Variants in PODXL observed in about 807,000 individuals in gnomAD.
The protein encoded by PODXL is podocalyxin like, also known as podocalyxin.
PODXL carries 20 observed loss-of-function variants against 48.9 expected under a neutral mutation model. That is an observed-to-expected ratio of 0.41 (90% CI 0.29 to 0.59). The LOEUF (loss-of-function observed/expected upper bound fraction) is 0.59. Among genes scored for constraint, PODXL ranks in the 20% least tolerant of loss-of-function variants. The pLI, the probability that PODXL is intolerant of heterozygous loss-of-function variation, is 0.31. For missense variants in PODXL, 606 were observed against 675.1 expected, an observed-to-expected ratio of 0.90 and a Z score of 1.13; for synonymous variants, 295 against 287.4, an observed-to-expected ratio of 1.03 and a Z score of -0.27.
chr7:131,504,343 C>T lies in PODXL; in HGVS notation c.1645G>A (p.Asp549Asn), dbSNP rs780703328. 5 of 1,614,084 alleles carry T rather than the reference C, an allele frequency of 3.1e-6. No individual in the cohort carries two copies. The Admixed American group carries it at 5.0e-5, about 16-fold the overall frequency. Residue 549 changes from aspartate to asparagine, a missense_variant, in exon 9 of 9, where the codon GAC (aspartate) becomes AAC (asparagine). Asp to Asn is a conservative substitution (Grantham distance 23, BLOSUM62 1). Transcript: ENST00000378555. ...TGTGTGTCTTCCTCCTCATCCAGGTCGTCCTTGGTCAGGTTGTCCAGAGGG... is the reference window on the plus strand; with the variant it reads ...TGTGTGTCTTCCTCCTCATCCAGGTTGTCCTTGGTCAGGTTGTCCAGAGGG... Reference protein sequence around the residue: ...IVPLDNLTKDDLDEEEDTHL With the variant: ...IVPLDNLTKDNLDEEEDTHL
rs1369001602 is a variant in PODXL, at chr7:131,506,709, A to G, written c.1119T>C (p.Asp373=). 5 of 1,614,060 alleles carry G rather than the reference A, an allele frequency of 3.1e-6. No individual in the cohort carries two copies. Among genetic ancestry groups the G allele is most frequent in the Non-Finnish European group, 4.2e-6 (5 of 1,180,024 alleles). ...GGCATATCAGTGAGATCAATTTCTCATCCGAAGCGCCCCCTGCCTATGGTG... is the reference window on the plus strand; with the variant it reads ...GGCATATCAGTGAGATCAATTTCTCGTCCGAAGCGCCCCCTGCCTATGGTG... ...GNTLCAGGAS[D]EKLISLICRA... The change falls in exon 6 of 9, where the codon GAT becomes GAC. Residue 373 remains aspartate, a synonymous_variant. Coordinates refer to ENST00000378555, the MANE Select transcript of PODXL (RefSeq NM_001018111.3).
At chr7:131,538,144 C>A (rs1798411019) in intron 1 of PODXL, among the ~76,000 whole-genome samples, 1 of 152,096 alleles carries the variant, frequency 6.6e-6, no homozygotes, top group South Asian at 2.1e-4. Context: ...AACCAGGAGA[C>A]CAGCTCCTGG....
chr7:131,501,389 A>G lies in PODXL; in HGVS notation c.*2922T>C. The G allele has an allele frequency of 6.6e-6, 1 of 152,646 alleles. No individual in the cohort carries two copies. Among genetic ancestry groups the G allele is most frequent in the East Asian group, 1.9e-4 (1 of 5,190 alleles). The allele number at this position is 152,646 out of a possible 1,614,324, so 9.5% of individuals were successfully genotyped here. A position where few individuals can be genotyped will look rare whatever the true frequency, so the allele number is the denominator to read the frequency against. On this transcript the variant is annotated 3_prime_UTR_variant, in exon 9 of 9. Transcript: ENST00000378555. ...ATGTATCAGTTTGAACTTGTTCTTC[A>G]AAGTTTCTCCAGTATATTGTCAAAA... is the stretch of plus-strand genomic sequence containing the variant.
chr7:131,526,799 G>A (rs982034186), intron 1 of PODXL, among the ~76,000 whole-genome samples: 8 of 132,458 alleles, frequency 6.0e-5, no homozygotes, highest in Admixed American at 2.9e-4. Flanking sequence ...GCAGTGGCGC[G>A]ATCTCGGCTC....
intron 1 of PODXL, among the ~76,000 whole-genome samples, chr7:131,534,917 G>A (rs1039386681): frequency 6.6e-6 from 1 of 152,012 alleles, no homozygotes; most frequent in African/African-American, 2.4e-5. Flanking sequence ...TTAGCTGGGT[G>A]TGCTGTAGCC....
rs368227750 is a variant in PODXL at position 131,509,367 on chromosome 7, A to G, written c.1021T>C (p.Trp341Arg). The change falls in exon 4 of 9, where the codon TGG (tryptophan) becomes CGG (arginine). Residue 341 changes from tryptophan to arginine, a missense_variant and splice_region_variant. Physicochemically the swap from Trp to Arg is moderately radical, Grantham distance 101. Coordinates refer to ENST00000378555, the MANE Select transcript of PODXL (RefSeq NM_001018111.3). ...PSPTVAHESN[W>R]AKCEDLETQT... ...TGCCCCACCCCTGCTGGAGTTACCC[A>G]GTTACTCTCATGAGCCACAGTGGGA... 4 of 1,612,434 alleles carry G rather than the reference A, an allele frequency of 2.5e-6. No individual in the cohort carries two copies. Among genetic ancestry groups the G allele is most frequent in the Non-Finnish European group, 3.4e-6 (4 of 1,178,498 alleles).
intron 5 of PODXL, among the ~76,000 whole-genome samples, chr7:131,507,683 G>T (rs1281119299): frequency 1.1e-5 from 1 of 92,878 alleles, no homozygotes; most frequent in African/African-American, 3.9e-5. Context: ...AAAAAAAAAA[G>T]TGTCTCACAA....
At position 131,556,307 on chromosome 7, in the gene PODXL, GGCGGCGTTGACA is replaced by G; in HGVS notation, c.41_52del (p.Leu14_Pro18delinsSer). ...CGGCGACGGCGACGACGGCAGCAGCGGCGGCGTTGACAACAGTAGCAGCAGCGCCGAGAGCGC... is the reference window on the plus strand; with the variant it reads ...CGGCGACGGCGACGACGGCAGCAGCGACAGTAGCAGCAGCGCCGAGAGCGC... On this transcript the variant is annotated inframe_deletion, in exon 1 of 9. Coordinates refer to ENST00000378555, the MANE Select transcript of PODXL (RefSeq NM_001018111.3). 6.7e-7 allele frequency: 1 copy of G among 1,486,018 alleles called. No individual in the cohort carries two copies. The highest frequency in any genetic ancestry group is 1.3e-5 in the South Asian group (1 of 77,958). 92.1% of individuals were successfully genotyped at this position (1,486,018 alleles called of 1,614,324 possible).
intron 1 of PODXL, among the ~76,000 whole-genome samples, chr7:131,539,216 T>C (rs1159768554): frequency 6.6e-6 from 1 of 152,216 alleles, no homozygotes; most frequent in Non-Finnish European, 1.5e-5. Flanking sequence ...AAGTGAGCTC[T>C]GCAAATGGAG....
At chr7:131,512,957 T>G (rs888411810) in intron 1 of PODXL, among the ~76,000 whole-genome samples, 6 of 138,070 alleles carry the variant, frequency 4.3e-5, no homozygotes, top group African/African-American at 1.4e-4. Flanking sequence ...ATGGCACCAC[T>G]GCACTTCAGC....
chr7:131,520,956 T>A (rs1451887667), intron 1 of PODXL, among the ~76,000 whole-genome samples: 1 of 152,032 alleles, frequency 6.6e-6, no homozygotes, highest in East Asian at 1.9e-4. Flanking sequence ...TCACTTGAGG[T>A]CAGGAGTTCG....
In PODXL at chr7:131,509,539, CA is replaced by C; in HGVS notation, c.848del (p.Met283SerfsTer23). On this transcript the variant is annotated frameshift_variant, in exon 4 of 9. Transcript: ENST00000378555. LOFTEE classifies it high-confidence loss of function. ...AGGAAGGGGCCGTAGAGCTGGCTGG[CA>C]TCTGACTGGAGGTCTGTTGAGTTCT... The part of the protein sequence containing the change: ...SQRTQQTSSQ[M>X]PASSTAPSSQ... The C allele has an allele frequency of 6.3e-7, 1 of 1,598,798 alleles. No individual in the cohort carries two copies. Among genetic ancestry groups the C allele is most frequent in the Non-Finnish European group, 8.5e-7 (1 of 1,170,418 alleles).
chr7:131,507,772 C>T (rs1797834225), intron 5 of PODXL, among the ~76,000 whole-genome samples: 1 of 152,190 alleles, frequency 6.6e-6, no homozygotes, highest in Non-Finnish European at 1.5e-5. Context: ...GTCCCCAGAG[C>T]CCATATCATG....
At chr7:131,526,857 T>C (rs937659736) in intron 1 of PODXL, among the ~76,000 whole-genome samples, 4 of 149,220 alleles carry the variant, frequency 2.7e-5, no homozygotes, top group African/African-American at 9.9e-5. Flanking sequence ...TGCCTCAGCC[T>C]GTATCCGAGT....
At chr7:131,505,731 A>G in intron 8 of PODXL, 137 bp downstream of exon 8, 1 of 752,662 alleles carries the variant, frequency 1.3e-6, no homozygotes, top group Admixed American at 2.9e-5. Context: ...GCGGCTGCCT[A>G]TCAGGGGTGG....
rs747567882 is a variant in PODXL, at chr7:131,510,907, A to T, written c.627T>A (p.Leu209=). 2 of 1,614,102 alleles carry T rather than the reference A, an allele frequency of 1.2e-6. No individual in the cohort carries two copies. The highest frequency in any genetic ancestry group is 1.7e-6 in the Non-Finnish European group (2 of 1,180,032). ...TGCTTGAACTGCTTGAAATTTTCAT[A>T]AGATGGTCATGTCCCGAGCTTGTTG... ...ATPTSSGHDH[L]MKISSSSSTV... is the part of the protein sequence containing the mutation. Residue 209 remains leucine, a synonymous_variant, in exon 2 of 9, where the codon CTT becomes CTA. Transcript: ENST00000378555.
chr7:131,507,101 C>T (rs1029030327), intron 5 of PODXL, among the ~76,000 whole-genome samples: 1 of 152,196 alleles, frequency 6.6e-6, no homozygotes, highest in African/African-American at 2.4e-5. Context: ...GCACAGCAAC[C>T]CTACCCCACA....
chr7:131,544,555 C>T (rs1038457757), intron 1 of PODXL, among the ~76,000 whole-genome samples: 10 of 152,214 alleles, frequency 6.6e-5, no homozygotes, highest in South Asian at 2.1e-4. Flanking sequence ...ACTTTTTGGG[C>T]GGTGCTCTCA....
rs1160008576 is a variant in PODXL at position 131,501,938 on chromosome 7, G to C, written c.*2373C>G. On this transcript the variant is annotated 3_prime_UTR_variant, in exon 9 of 9. Coordinates refer to ENST00000378555, the MANE Select transcript of PODXL (RefSeq NM_001018111.3). Reference sequence around the variant, plus strand: ...GGACGAATATAAAGCAGTAACCTCTGAATCAGCCCAGAGCCTCTCCGGGTT... The same window carrying C: ...GGACGAATATAAAGCAGTAACCTCTCAATCAGCCCAGAGCCTCTCCGGGTT... 1 of 152,230 alleles carries C rather than the reference G, an allele frequency of 6.6e-6. No individual in the cohort carries two copies. Among genetic ancestry groups the C allele is most frequent in the Non-Finnish European group, 1.5e-5 (1 of 68,070 alleles). 9.4% of individuals were successfully genotyped at this position (152,230 alleles called of 1,614,324 possible). A position where few individuals can be genotyped will look rare whatever the true frequency, so the allele number is the denominator to read the frequency against.
Sources: allele counts gnomAD v4.1 joint callset (sites outside exome capture counted in the v4.1 genomes callset), GRCh38; gene constraint gnomAD v4.1.1; transcripts MANE v1.5; gene names NCBI Gene and HGNC (gene_info 2026-07-23, HGNC 2026-07-21).